The following PAQR5 variants were observed in gnomAD, a reference collection of about 807,000 sequenced individuals.
PAQR5 encodes progestin and adipoQ receptor family member 5.
PAQR5 carries 20 observed loss-of-function variants against 34.5 expected under a neutral mutation model. That is an observed-to-expected ratio of 0.58 (90% CI 0.41 to 0.84). The LOEUF is 0.84. PAQR5 is among the 40% of genes least tolerant of loss of function. The pLI is 0.00. For synonymous variants in PAQR5, 131 were observed against 155.6 expected (o/e 0.84, Z 1.18); for missense variants, 378 against 412.7 (o/e 0.92, Z 0.73).
intron 2 of PAQR5, among the ~76,000 whole-genome samples, chr15:69,342,852 C>CA (rs2054677090): frequency 6.6e-6 from 1 of 152,236 alleles, no homozygotes. Context: ...CTTCTCCAGC[C>CA]ACGCTCAGAC....
At position 69,384,708 on chromosome 15, in the gene PAQR5, T is replaced by C. The variant is rs777432036; in HGVS notation, c.211T>C (p.Tyr71His). 3.8e-5 allele frequency: 61 copies of C among 1,613,910 alleles called. No homozygotes were observed. Among genetic ancestry groups the C allele is most frequent in the Non-Finnish European group, 5.1e-6 (6 of 1,179,950 alleles). The change falls in exon 5 of 9, where the codon TAT becomes CAT. Residue 71 changes from tyrosine to histidine, a missense_variant. Tyr to His is a moderately conservative substitution (Grantham distance 83). Coordinates refer to ENST00000395407, the MANE Select transcript of PAQR5 (RefSeq NM_017705.4). Reference sequence around the variant, plus strand: ...TGCATGGAGGTTTGTGACTGCACTGTATATGACAGACATCAAGAATGACAG... The same window carrying C: ...TGCATGGAGGTTTGTGACTGCACTGCATATGACAGACATCAAGAATGACAG... ...FFAWRFVTAL[Y>H]MTDIKNDSYS...
Position 69,399,986 on chromosome 15 carries a change from C to G in PAQR5, c.622C>G (p.Pro208Ala). Residue 208 changes from proline to alanine, a missense_variant, in exon 8 of 9, where the codon CCA becomes GCA. Coordinates refer to ENST00000395407, the MANE Select transcript of PAQR5 (RefSeq NM_017705.4). The part of the protein sequence containing the change: ...LPIFYRLFLF[P>A]GESAQNEATS... ...TAAACACCTGCAGCTATTCCTGTTC[C>G]CAGGGGAGAGTGCACAAAATGAAGC... is the stretch of plus-strand genomic sequence containing the variant. 6.2e-7 allele frequency: 1 copy of G among 1,613,954 alleles called. No homozygotes were observed. Among genetic ancestry groups the G allele is most frequent in the Non-Finnish European group, 8.5e-7 (1 of 1,179,884 alleles).
chr15:69,376,501 C>G (rs1196500266), intron 3 of PAQR5, among the ~76,000 whole-genome samples: 1 of 152,290 alleles, frequency 6.6e-6, no homozygotes, highest in East Asian at 1.9e-4. Context: ...GTTCCATAGA[C>G]AGAGGTTCAA....
chr15:69,321,942 A>G (rs2054106021), intron 1 of PAQR5, among the ~76,000 whole-genome samples: 1 of 152,214 alleles, frequency 6.6e-6, no homozygotes, highest in Admixed American at 6.5e-5. Flanking sequence ...TTGCAAATGA[A>G]ATGATAGATA....
At chr15:69,387,853 G>A (rs928544661) in intron 5 of PAQR5, among the ~76,000 whole-genome samples, 9 of 152,004 alleles carry the variant, frequency 5.9e-5, no homozygotes, top group African/African-American at 9.7e-5. Flanking sequence ...GCTGCACCAC[G>A]GGAGCCTCAG....
Position 69,337,481 on chromosome 15 carries a change from G to T in PAQR5, c.-136G>T, listed in dbSNP as rs934579296. 6.6e-6 allele frequency: 1 copy of T among 152,228 alleles called. No individual in the cohort carries two copies. Among genetic ancestry groups the T allele is most frequent in the Non-Finnish European group, 1.5e-5 (1 of 68,028 alleles). The allele number at this position is 152,228 out of a possible 1,614,324, so 9.4% of individuals were successfully genotyped here. ...CATACCTTGTCCACACAGAGTTCCTGTACAAGGTTCCTGACCTGTGGTAAG... is the reference window on the plus strand; with the variant it reads ...CATACCTTGTCCACACAGAGTTCCTTTACAAGGTTCCTGACCTGTGGTAAG... On this transcript the variant is annotated 5_prime_UTR_variant, in exon 2 of 9. Coordinates refer to ENST00000395407, the MANE Select transcript of PAQR5 (RefSeq NM_017705.4).
At chr15:69,348,515 A>G (rs1234525649) in intron 2 of PAQR5, among the ~76,000 whole-genome samples, 2 of 152,190 alleles carry the variant, frequency 1.3e-5, no homozygotes, top group Non-Finnish European at 2.9e-5. Flanking sequence ...CGAGGTGACC[A>G]GCATAGGTTT....
intron 5 of PAQR5, among the ~76,000 whole-genome samples, chr15:69,388,012 T>G (rs1186971617): frequency 6.6e-6 from 1 of 152,208 alleles, no homozygotes; most frequent in African/African-American, 2.4e-5. Flanking sequence ...AATCTGTTTT[T>G]CTAGCCCATA....
At chr15:69,322,767 GAAGAGGGA>G (rs2054145449) in intron 1 of PAQR5, among the ~76,000 whole-genome samples, 1 of 40,906 alleles carries the variant, frequency 2.4e-5, no homozygotes, top group Non-Finnish European at 5.3e-5. Flanking sequence ...AGAAGAAGAA[GAAGAGGGA>G]GAAGAAGAAG....
intron 6 of PAQR5, chr15:69,391,969 A>C: frequency 2.5e-6 from 1 of 393,458 alleles, no homozygotes; most frequent in Non-Finnish European, 5.1e-6. Context: ...AGGCAGGAGA[A>C]TCGCTTGAAC....
chr15:69,347,890 A>C (rs1190518631), intron 2 of PAQR5, among the ~76,000 whole-genome samples: 1 of 152,212 alleles, frequency 6.6e-6, no homozygotes, highest in African/African-American at 2.4e-5. Flanking sequence ...AAATACCATA[A>C]CATTGGGAAT....
intron 2 of PAQR5, among the ~76,000 whole-genome samples, chr15:69,354,182 A>G (rs1402314024): frequency 6.6e-6 from 1 of 152,206 alleles, no homozygotes; most frequent in Non-Finnish European, 1.5e-5. Context: ...AACCATGACC[A>G]ACTAAGGTGC....
chr15:69,331,095 T>C (rs1251879646), intron 1 of PAQR5, among the ~76,000 whole-genome samples: 1 of 152,212 alleles, frequency 6.6e-6, no homozygotes, highest in Non-Finnish European at 1.5e-5. Flanking sequence ...TCCTTAACTG[T>C]AGCCCTATCA....
chr15:69,355,305 TTTC>T, intron 2 of PAQR5, among the ~76,000 whole-genome samples: 1 of 31,524 alleles, frequency 3.2e-5, no homozygotes, highest in Non-Finnish European at 5.8e-5. Flanking sequence ...TCTTTCTTTC[TTTC>T]TTTCTTTCTT....
intron 2 of PAQR5, among the ~76,000 whole-genome samples, chr15:69,352,751 TG>T (rs1240938674): frequency 6.6e-6 from 1 of 152,154 alleles, no homozygotes; most frequent in East Asian, 1.9e-4. Context: ...GAAGCAGAAA[TG>T]GCCAGATGTA....
intron 7 of PAQR5, 118 bp downstream of exon 7, chr15:69,397,682 G>A (rs758409351): frequency 7.9e-5 from 59 of 743,542 alleles, no homozygotes; most frequent in Non-Finnish European, 1.2e-4. Context: ...AACAGGAGTC[G>A]AGACCCAGGT....
intron 1 of PAQR5, among the ~76,000 whole-genome samples, chr15:69,323,216 A>T (rs897483658): frequency 6.6e-6 from 1 of 152,236 alleles, no homozygotes; most frequent in Non-Finnish European, 1.5e-5. Flanking sequence ...CTGGATCTCC[A>T]TGAGTCTCCA....
intron 3 of PAQR5, chr15:69,379,431 T>C: frequency 1.0e-6 from 1 of 985,414 alleles, no homozygotes; most frequent in Non-Finnish European, 1.2e-6. Flanking sequence ...GGTGAATATA[T>C]CCTGGCACCG....
rs1194607614 is a variant in PAQR5, at chr15:69,300,571, CTCTTTCTTTCTT to C, written c.-277+1522_-277+1533del. On this transcript the variant is annotated intron_variant, in intron 1 of 8. Coordinates refer to ENST00000395407, the MANE Select transcript of PAQR5 (RefSeq NM_017705.4). ...TAATCCCGTATGCTTTTCTTTCTTTCTCTTTCTTTCTTTCTTTCCTTCTTTCTTTCTTTCTTT... is the reference window on the plus strand; with the variant it reads ...TAATCCCGTATGCTTTTCTTTCTTTCTCTTTCCTTCTTTCTTTCTTTCTTT... Among the ~76,000 whole-genome samples the C allele has an allele frequency of 2.1e-5, 3 of 144,720 alleles. 1 individual carries two copies. The highest frequency in any genetic ancestry group is 2.1e-4 in the East Asian group (1 of 4,862). The allele number at this position is 144,720 out of a possible 152,430, so 94.9% of individuals were successfully genotyped here. A position where few individuals can be genotyped will look rare whatever the true frequency, so the allele number is the denominator to read the frequency against.
Sources: allele counts gnomAD v4.1 joint callset (sites outside exome capture counted in the v4.1 genomes callset), GRCh38; gene constraint gnomAD v4.1.1; transcripts MANE v1.5; gene names NCBI Gene and HGNC (gene_info 2026-07-23, HGNC 2026-07-21).